Variants in CDH13 observed in about 807,000 individuals in gnomAD.
CDH13 encodes the protein cadherin-13.
A neutral mutation model predicts 63.8 loss-of-function variants in CDH13; 24 were observed. The ratio of observed to expected loss-of-function variants is 0.38; its 90% CI spans 0.27 to 0.53. CDH13 has a LOEUF of 0.53. Among genes scored for constraint, CDH13 ranks in the 20% least tolerant of loss-of-function variants. CDH13 has a pLI of 0.85. For missense variants in CDH13, 1,049 were observed against 903.1 expected (o/e 1.16, Z -2.07); for synonymous variants, 503 against 355.3 (o/e 1.42, Z -4.67).
intron 7 of CDH13, among the ~76,000 whole-genome samples, chr16:83,519,460 C>T (rs2074778177): frequency 6.6e-6 from 1 of 152,200 alleles, no homozygotes; most frequent in Non-Finnish European, 1.5e-5. Context: ...AAATGAATTT[C>T]ATATCGCACT....
At chr16:83,215,575 G>C (rs926513791) in intron 4 of CDH13, among the ~76,000 whole-genome samples, 1 of 151,736 alleles carries the variant, frequency 6.6e-6, no homozygotes, top group South Asian at 2.1e-4. Flanking sequence ...GCTGCCTTAG[G>C]CACCATTGCC....
At chr16:83,730,584 T>A (rs577980445) in intron 10 of CDH13, among the ~76,000 whole-genome samples, 3 of 152,342 alleles carry the variant, frequency 2.0e-5, no homozygotes, top group African/African-American at 4.8e-5. Flanking sequence ...TTTTAAAAAA[T>A]TCATACAATT....
intron 11 of CDH13, among the ~76,000 whole-genome samples, chr16:83,779,434 A>AAAAAAAAAAAAAT (rs1915359617): frequency 6.7e-6 from 1 of 149,976 alleles, no homozygotes; most frequent in Non-Finnish European, 1.5e-5. Flanking sequence ...AAAAAAAAAA[A>AAAAAAAAAAAAAT]AAAAGTCTTA....
rs189722640 is a variant in CDH13, at chr16:83,357,415, C to T, written c.781+12409C>T. 9.9e-5 allele frequency among the ~76,000 whole-genome samples: 15 copies of T among 152,230 alleles called. No homozygotes were observed. The East Asian group carries it at 1.9e-3, about 20-fold the overall frequency. On this transcript the variant is annotated intron_variant, in intron 6 of 13. Transcript: ENST00000567109. ...GTGATGCACCATTCAAAAATGTCTG[C>T]GTAGATTTTCACTAGCTTTGGAAAC...
At position 83,748,167 on chromosome 16, in the gene CDH13, T is replaced by C; in HGVS notation, c.1598T>C (p.Val533Ala). ...WLNINPINGT[V>A]DTTAVLDRES... ...AATATTAACCCCATCAATGGGACTGTTGACACCACAGCTGTGCTGGACCGT... is the reference window on the plus strand; with the variant it reads ...AATATTAACCCCATCAATGGGACTGCTGACACCACAGCTGTGCTGGACCGT... Residue 533 changes from valine (V) to alanine (A), a missense_variant, in exon 11 of 14, where the codon GTT (valine) becomes GCT (alanine). Physicochemically the swap from Val to Ala is moderately conservative, Grantham distance 64. Transcript: ENST00000567109. 6.2e-7 allele frequency: 1 copy of C among 1,613,930 alleles called. No individual in the cohort carries two copies. Among genetic ancestry groups the C allele is most frequent in the Non-Finnish European group, 8.5e-7 (1 of 1,179,814 alleles).
chr16:83,354,448 C>T (rs2091015590), intron 6 of CDH13, among the ~76,000 whole-genome samples: 2 of 152,170 alleles, frequency 1.3e-5, no homozygotes, highest in South Asian at 2.1e-4. Flanking sequence ...GGGGATATAG[C>T]AGTGACCAAG....
At chr16:83,129,713 C>T (rs376104850) in intron 4 of CDH13, among the ~76,000 whole-genome samples, 4 of 152,180 alleles carry the variant, frequency 2.6e-5, no homozygotes, top group South Asian at 2.1e-4. Context: ...TGCACTGACG[C>T]GACAGCCTGC....
Position 82,756,982 on chromosome 16 carries a change from T to C in CDH13, c.46-101380T>C, listed in dbSNP as rs74030839. On this transcript the variant is annotated intron_variant, in intron 1 of 13. Coordinates refer to ENST00000567109, the MANE Select transcript of CDH13 (RefSeq NM_001257.5). ...ATATCAGTGGCTGGCACATTATCTT[T>C]GTTGACGACTGACCTTTCCTTTTCC... is the stretch of plus-strand genomic sequence containing the variant. 4.3e-3 allele frequency among the ~76,000 whole-genome samples: 662 copies of C among 152,322 alleles called. 4 individuals are homozygous for C. The highest frequency in any genetic ancestry group is 0.015 in the African/African-American group (636 of 41,580).
At chr16:83,000,025 GAAC>G (rs944491922) in intron 2 of CDH13, among the ~76,000 whole-genome samples, 1 of 152,026 alleles carries the variant, frequency 6.6e-6, no homozygotes, top group African/African-American at 2.4e-5. Flanking sequence ...CATCCATGCA[GAAC>G]AACAACAACA....
chr16:83,259,831 C>T (rs1477898189), intron 5 of CDH13, among the ~76,000 whole-genome samples: 2 of 152,066 alleles, frequency 1.3e-5, no homozygotes, highest in African/African-American at 2.4e-5. Flanking sequence ...ATGTTTCCAG[C>T]ACCATGAACC....
intron 1 of CDH13, among the ~76,000 whole-genome samples, chr16:82,675,516 C>G (rs563752430): frequency 1.4e-4 from 21 of 152,324 alleles, no homozygotes; most frequent in African/African-American, 4.6e-4. Context: ...AAGAATTTGA[C>G]TCCTTGGCCC....
Position 82,639,372 on chromosome 16 carries a change from C to T in CDH13, c.45+12235C>T, listed in dbSNP as rs1388110170. ...TGCTTTTGACCAGGGCCAAACAACC[C>T]ACCTGCACTGCATGGTTCCCCCAGC... On this transcript the variant is annotated intron_variant, in intron 1 of 13. Coordinates refer to ENST00000567109, the MANE Select transcript of CDH13 (RefSeq NM_001257.5). 1.5e-5 allele frequency: 23 copies of T among 1,535,320 alleles called. No homozygotes were observed. The East Asian group carries it at 5.1e-4, about 34-fold the overall frequency.
At chr16:83,732,509 C>G (rs1319235695) in intron 10 of CDH13, among the ~76,000 whole-genome samples, 1 of 152,172 alleles carries the variant, frequency 6.6e-6, no homozygotes, top group Non-Finnish European at 1.5e-5. Context: ...AAATCTCACT[C>G]TCCTGTTCTG....
intron 6 of CDH13, among the ~76,000 whole-genome samples, chr16:83,405,875 T>C (rs934096072): frequency 1.0e-5 from 1 of 97,992 alleles, no homozygotes; most frequent in South Asian, 4.2e-4. Context: ...GAAATATAGC[T>C]GCTTAGTTAA....
At chr16:82,952,295 G>A (rs1021229089) in intron 2 of CDH13, among the ~76,000 whole-genome samples, 6 of 152,148 alleles carry the variant, frequency 3.9e-5, no homozygotes, top group African/African-American at 9.7e-5. Context: ...CTGCTAGCCC[G>A]AGTTTTCAAT....
intron 7 of CDH13, among the ~76,000 whole-genome samples, chr16:83,589,071 C>T (rs900709630): frequency 1.2e-4 from 18 of 152,270 alleles, no homozygotes; most frequent in African/African-American, 3.9e-4. Context: ...GGGCCAAAAC[C>T]GAGGTGTCAG....
intron 1 of CDH13, among the ~76,000 whole-genome samples, chr16:82,796,833 C>G (rs1004862797): frequency 6.6e-6 from 1 of 152,200 alleles, no homozygotes; most frequent in Non-Finnish European, 1.5e-5. Flanking sequence ...AGCAGCAGCT[C>G]TTTACGTAGG....
At chr16:83,716,292 T>A (rs765770002) in intron 10 of CDH13, among the ~76,000 whole-genome samples, 17 of 152,142 alleles carry the variant, frequency 1.1e-4, no homozygotes, top group South Asian at 2.1e-4. Context: ...GAGGCCATAG[T>A]GCAAATTAGG....
chr16:83,084,937 A>G (rs2033486151), intron 3 of CDH13, among the ~76,000 whole-genome samples: 1 of 152,202 alleles, frequency 6.6e-6, no homozygotes, highest in Admixed American at 6.5e-5. Flanking sequence ...TTGCCTAACG[A>G]GAAGTCTCAG....
Sources: gnomAD v4.1 joint callset for allele counts (sites outside exome capture counted in the v4.1 genomes callset) on GRCh38, gnomAD v4.1.1 for gene constraint, MANE v1.5 for transcripts, NCBI Gene and HGNC (gene_info 2026-07-23, HGNC 2026-07-21) for gene names.